Variants in ABLIM1 observed in about 807,000 individuals in gnomAD.
The protein encoded by ABLIM1 is actin binding LIM protein 1, also known as actin-binding LIM protein 1.
ABLIM1 carries 40 observed loss-of-function variants against 107.0 expected under a neutral mutation model. That is an observed-to-expected ratio of 0.37 (90% CI 0.29 to 0.49). The LOEUF (loss-of-function observed/expected upper bound fraction) is 0.49, where lower values mean the gene tolerates loss of function less well. Among genes scored for constraint, ABLIM1 ranks in the 20% least tolerant of loss-of-function variants. The probability of loss-of-function intolerance (pLI) is 0.97; values close to 1 mark genes in which losing one functional copy is unlikely to be tolerated. For missense variants in ABLIM1, 857 were observed against 1,008.5 expected, an observed-to-expected ratio of 0.85 and a Z score of 2.04; for synonymous variants, 357 against 357.3, an observed-to-expected ratio of 1.00 and a Z score of 0.01.
chr10:114,784,116 G>T, the ABLIM1 span, among the ~76,000 whole-genome samples: 3 of 151,858 alleles, frequency 2.0e-5, no homozygotes, highest in Non-Finnish European at 2.9e-5. Context: ...GGGAGGCTGA[G>T]GGGGGCGGAT....
intron 1 of ABLIM1, among the ~76,000 whole-genome samples, chr10:114,753,624 T>C (rs2082566606): frequency 6.6e-6 from 1 of 152,208 alleles, no homozygotes; most frequent in Non-Finnish European, 1.5e-5. Context: ...GGTTAGGAGA[T>C]AGTAGTTTTA....
intron 2 of ABLIM1, among the ~76,000 whole-genome samples, chr10:114,589,383 G>C (rs758973628): frequency 2.6e-5 from 4 of 151,904 alleles, no homozygotes; most frequent in Non-Finnish European, 5.9e-5. Context: ...ACAAAAATTA[G>C]CTAGGTATGG....
intron 1 of ABLIM1, among the ~76,000 whole-genome samples, chr10:114,729,851 C>T (rs1456368578): frequency 6.6e-6 from 1 of 152,124 alleles, no homozygotes; most frequent in Admixed American, 6.5e-5. Flanking sequence ...AGTTTTCTCA[C>T]TCTTTAAGCC....
intron 6 of ABLIM1, among the ~76,000 whole-genome samples, chr10:114,544,490 C>G (rs542564246): frequency 1.3e-5 from 2 of 152,308 alleles, no homozygotes; most frequent in Admixed American, 1.3e-4. Flanking sequence ...CAGGCTTCAG[C>G]TCAGCCCCGG....
At chr10:114,638,624 C>A (rs1395538053) in intron 1 of ABLIM1, among the ~76,000 whole-genome samples, 1 of 2,742 alleles carries the variant, frequency 3.6e-4, no homozygotes, top group Non-Finnish European at 9.1e-4. Context: ...GCCCTGCCTA[C>A]ACACACACAC....
chr10:114,632,000 A>C (rs1197283112), intron 1 of ABLIM1: 1 of 1,297,782 alleles, frequency 7.7e-7, no homozygotes. Context: ...CGGCAGACAG[A>C]TCCGCGGGCG....
chr10:114,751,748 CA>C (rs34322728), intron 1 of ABLIM1, among the ~76,000 whole-genome samples: 71,249 of 117,958 alleles, frequency 0.6, 19,083 homozygotes, highest in Non-Finnish European at 0.63. Flanking sequence ...GACTCTGTCT[CA>C]AAAAAAAAAA....
chr10:114,561,062 A>G (rs1286899371), intron 4 of ABLIM1, among the ~76,000 whole-genome samples: 1 of 152,264 alleles, frequency 6.6e-6, no homozygotes, highest in Non-Finnish European at 1.5e-5. Flanking sequence ...CACCTCAATT[A>G]AAACAAATTG....
At chr10:114,769,275 G>A (rs1369431639), upstream of ABLIM1, among the ~76,000 whole-genome samples, 3 of 150,174 alleles carry the variant, frequency 2.0e-5, no homozygotes, top group African/African-American at 7.4e-5. Context: ...CGCTTGAGGT[G>A]GAGGATGCAG....
intron 1 of ABLIM1, among the ~76,000 whole-genome samples, chr10:114,721,266 C>T (rs1477880854): frequency 6.6e-6 from 1 of 152,116 alleles, no homozygotes; most frequent in African/African-American, 2.4e-5. Flanking sequence ...AGCTTCACCT[C>T]TGGGAGTGGA....
intron 1 of ABLIM1, among the ~76,000 whole-genome samples, chr10:114,646,970 TTAAATTAATTAA>T (rs1484377493): frequency 2.0e-5 from 3 of 152,168 alleles, no homozygotes; most frequent in African/African-American, 4.8e-5. Context: ...AGACAGTTTT[TTAAATTAATTAA>T]TAAATTAATT....
intron 1 of ABLIM1, among the ~76,000 whole-genome samples, chr10:114,651,670 T>C (rs1347760628): frequency 6.6e-6 from 1 of 151,906 alleles, no homozygotes; most frequent in African/African-American, 2.4e-5. Flanking sequence ...TGAAAAGGGG[T>C]TATTGGTAAC....
chr10:114,482,207 T>C (rs1278904147), intron 8 of ABLIM1, among the ~76,000 whole-genome samples: 1 of 152,242 alleles, frequency 6.6e-6, no homozygotes, highest in Admixed American at 6.5e-5. Flanking sequence ...TTGCTATTCA[T>C]AGAAAACTTC....
intron 6 of ABLIM1, among the ~76,000 whole-genome samples, chr10:114,492,336 G>C (rs1352181894): frequency 6.6e-6 from 1 of 152,138 alleles, no homozygotes; most frequent in East Asian, 1.9e-4. Context: ...TGGCATCAAG[G>C]TGAGAAAAGC....
chr10:114,787,411 T>C, the ABLIM1 span, among the ~76,000 whole-genome samples: 1 of 132,712 alleles, frequency 7.5e-6, no homozygotes, highest in African/African-American at 3.0e-5. Context: ...GATGGGGGGG[T>C]CAGCCCCCCG....
chr10:114,740,798 C>T (rs372282483), intron 1 of ABLIM1, among the ~76,000 whole-genome samples: 18 of 152,024 alleles, frequency 1.2e-4, no homozygotes, highest in African/African-American at 3.9e-4. Context: ...AATCCCAGCA[C>T]TTTGGGAGGC....
intron 1 of ABLIM1, among the ~76,000 whole-genome samples, chr10:114,669,127 A>G (rs2080146573): frequency 6.6e-6 from 1 of 152,240 alleles, no homozygotes; most frequent in Non-Finnish European, 1.5e-5. Flanking sequence ...AATTTACTCA[A>G]ATTGATCCTG....
At chr10:114,583,462 CACACACATAT>C (rs2073798369) in intron 2 of ABLIM1, among the ~76,000 whole-genome samples, 1 of 9,094 alleles carries the variant, frequency 1.1e-4, no homozygotes, top group Non-Finnish European at 2.2e-4. Context: ...CACACACACA[CACACACATAT>C]ATATATATAT....
chr10:114,492,082 C>A (rs560807008), intron 6 of ABLIM1, among the ~76,000 whole-genome samples: 3 of 151,846 alleles, frequency 2.0e-5, no homozygotes, highest in South Asian at 2.1e-4. Flanking sequence ...GCCAGCTACT[C>A]GTGGCTGCCT....
Sources: allele counts gnomAD v4.1 joint callset (sites outside exome capture counted in the v4.1 genomes callset), GRCh38; gene constraint gnomAD v4.1.1; transcripts MANE v1.5; gene names NCBI Gene and HGNC (gene_info 2026-07-23, HGNC 2026-07-21).